Variants in ZNF264 observed in about 807,000 individuals in gnomAD.
ZNF264 encodes zinc finger protein 264.
A neutral mutation model predicts 11.2 loss-of-function variants in ZNF264; 11 were observed. The ratio of observed to expected loss-of-function variants is 0.98; its 90% CI spans 0.62 to 1.63. The LOEUF (loss-of-function observed/expected upper bound fraction) is 1.63. ZNF264 is among the 40% of genes most tolerant of loss of function. ZNF264 has a pLI of 0.00. For synonymous variants in ZNF264, 309 were observed against 279.8 expected, an observed-to-expected ratio of 1.10 and a Z score of -1.04; for missense variants, 752 against 768.1, an observed-to-expected ratio of 0.98 and a Z score of 0.25.
intron 2 of ZNF264, among the ~76,000 whole-genome samples, chr19:57,203,221 G>A (rs189701097): frequency 6.6e-6 from 1 of 152,218 alleles, no homozygotes; most frequent in Admixed American, 6.5e-5. Flanking sequence ...TAGTTGTCTG[G>A]CACTTGGCCC....
At chr19:57,193,846 A>G (rs1320471002) in intron 1 of ZNF264, 29 bp from the exon 2 acceptor site, 1 of 1,612,866 alleles carries the variant, frequency 6.2e-7, no homozygotes, top group Non-Finnish European at 8.5e-7. Context: ...CTGAAAGGCC[A>G]ATACTACTAA....
Position 57,212,868 on chromosome 19 carries a change from G to A in ZNF264, c.1771G>A (p.Gly591Arg). 6.2e-7 allele frequency: 1 copy of A among 1,614,188 alleles called. No homozygotes were observed. ...TSVTLRELLL[G>R]KDFLNVTTEA... ...AGTTACCCTTCGAGAACTTCTTTTA[G>A]GGAAGGACTTTTTGAATGTAACCAC... Residue 591 changes from glycine to arginine, a missense_variant, in exon 4 of 4, where the codon GGG becomes AGG. Transcript: ENST00000263095.
In ZNF264 at chr19:57,191,869, C is replaced by T. The variant is rs1228371753; in HGVS notation, c.-45C>T. ...GGCACAGGTGGGGTCCGTCAGGCCG[C>T]CCGGGGCTCCTCTGTCCCAGCTCTG... On this transcript the variant is annotated 5_prime_UTR_variant, in exon 1 of 4. Transcript: ENST00000263095. 2 of 1,306,312 alleles carry T rather than the reference C, an allele frequency of 1.5e-6. No homozygotes were observed. Among genetic ancestry groups the T allele is most frequent in the Admixed American group, 3.5e-5 (1 of 28,230 alleles). The allele number at this position is 1,306,312 out of a possible 1,614,324, so 80.9% of individuals were successfully genotyped here. A position where few individuals can be genotyped will look rare whatever the true frequency, so the allele number is the denominator to read the frequency against.
Position 57,212,318 on chromosome 19 carries a change from T to G in ZNF264, c.1221T>G (p.Ala407=), listed in dbSNP as rs749727981. The change falls in exon 4 of 4, where the codon GCT becomes GCG. Residue 407 remains alanine, a synonymous_variant. Coordinates refer to ENST00000263095, the MANE Select transcript of ZNF264 (RefSeq NM_003417.5). ...KPFECLECGK[A]FNHRSYLKRH... ...TTGAGTGCCTCGAGTGTGGGAAGGC[T>G]TTCAACCACCGATCCTACCTCAAGA... The G allele has an allele frequency of 1.9e-6, 3 of 1,594,122 alleles. No individual in the cohort carries two copies. The highest frequency in any genetic ancestry group is 4.6e-5 in the East Asian group (2 of 43,674).
intron 2 of ZNF264, among the ~76,000 whole-genome samples, chr19:57,199,755 C>T (rs1599947259): frequency 6.6e-6 from 1 of 151,950 alleles, no homozygotes; most frequent in East Asian, 1.9e-4. Context: ...TTCTGTGGGC[C>T]CATCGGGACT....
intron 3 of ZNF264, 74 bp downstream of exon 3, chr19:57,205,566 C>A: frequency 7.4e-7 from 1 of 1,348,696 alleles, no homozygotes. Flanking sequence ...GCCCTGGAAT[C>A]TCTTGGGAAG....
chr19:57,198,482 A>G (rs979916037), intron 2 of ZNF264, among the ~76,000 whole-genome samples: 5 of 151,822 alleles, frequency 3.3e-5, no homozygotes, highest in Non-Finnish European at 5.9e-5. Flanking sequence ...TTCCCACCTT[A>G]ATAGCCTTCA....
At chr19:57,192,320 G>C in intron 1 of ZNF264, 1 of 984,622 alleles carries the variant, frequency 1.0e-6, no homozygotes, top group Non-Finnish European at 1.2e-6. Flanking sequence ...GTTTAAGGAG[G>C]CTCAGGAGGG....
chr19:57,212,421 TTTATC>T lies in ZNF264; in HGVS notation c.1327_1331del (p.Ile443AlafsTer2), dbSNP rs772232144. The T allele has an allele frequency of 6.2e-7, 1 of 1,613,086 alleles. No homozygotes were observed. On this transcript the variant is annotated frameshift_variant, in exon 4 of 4. Coordinates refer to ENST00000263095, the MANE Select transcript of ZNF264 (RefSeq NM_003417.5). LOFTEE classifies it low-confidence loss of function (END_TRUNC). ...AAAGGCCTTCACCCACTGCTCTACT[TTTATC>T]TTGCATAAAAGGGCCCACACTGGAG...
intron 3 of ZNF264, among the ~76,000 whole-genome samples, chr19:57,210,584 C>T (rs908546569): frequency 6.6e-6 from 1 of 152,202 alleles, no homozygotes; most frequent in Non-Finnish European, 1.5e-5. Context: ...ACCCAGGAAA[C>T]TCACCAGCTC....
At chr19:57,208,037 A>G (rs1334206904) in intron 3 of ZNF264, among the ~76,000 whole-genome samples, 1 of 151,638 alleles carries the variant, frequency 6.6e-6, no homozygotes, top group Non-Finnish European at 1.5e-5. Context: ...TATTTTTAGT[A>G]GAGACAGGGT....
At chr19:57,204,412 C>T (rs915361980) in intron 2 of ZNF264, among the ~76,000 whole-genome samples, 4 of 152,062 alleles carry the variant, frequency 2.6e-5, no homozygotes, top group East Asian at 1.9e-4. Flanking sequence ...CCCCATGTGT[C>T]GTGGGAGGTA....
At chr19:57,206,532 C>G (rs2087294434) in intron 3 of ZNF264, among the ~76,000 whole-genome samples, 1 of 152,156 alleles carries the variant, frequency 6.6e-6, no homozygotes, top group Admixed American at 6.5e-5. Context: ...GTCACCGCGC[C>G]TGGCCTAGAA....
intron 2 of ZNF264, among the ~76,000 whole-genome samples, chr19:57,203,515 T>C (rs567494044): frequency 5.9e-5 from 9 of 152,220 alleles, no homozygotes; most frequent in Non-Finnish European, 1.3e-4. Flanking sequence ...AACCTTCATC[T>C]ATGAAGCTGT....
At position 57,212,637 on chromosome 19, in the gene ZNF264, G is replaced by A. The variant is rs775309700; in HGVS notation, c.1540G>A (p.Val514Ile). 1.9e-6 allele frequency: 3 copies of A among 1,613,844 alleles called. No individual in the cohort carries two copies. The highest frequency in any genetic ancestry group is 1.7e-6 in the Non-Finnish European group (2 of 1,179,974). The change falls in exon 4 of 4, where the codon GTT becomes ATT. Residue 514 changes from valine (V) to isoleucine (I), a missense_variant. Val to Ile is a conservative substitution (Grantham distance 29). Transcript: ENST00000263095. The stretch of plus-strand genomic sequence containing the variant: ...TAGTGGAGAGAAGCCCTATGAATGT[G>A]TTGAGTGTGGGAAATCGTTTTGCTG... ...IHSGEKPYEC[V>I]ECGKSFCWST...
chr19:57,212,378 C>T lies in ZNF264; in HGVS notation c.1281C>T (p.Phe427=), dbSNP rs748919450. ...HQRIHTGEKP[F]VCSECGKAFT... is the part of the protein sequence containing the mutation. The stretch of plus-strand genomic sequence containing the variant: ...GGATTCACACTGGGGAGAAGCCCTT[C>T]GTGTGCAGTGAATGTGGAAAGGCCT... Residue 427 remains phenylalanine (F), a synonymous_variant, in exon 4 of 4, where the codon TTC becomes TTT. Transcript: ENST00000263095. 2.4e-5 allele frequency: 39 copies of T among 1,613,370 alleles called. No homozygotes were observed. Among genetic ancestry groups the T allele is most frequent in the Middle Eastern group, 1.6e-4 (1 of 6,078 alleles).
intron 3 of ZNF264, among the ~76,000 whole-genome samples, chr19:57,207,545 CTTTTTT>C (rs757880568): frequency 9.7e-6 from 1 of 103,124 alleles, no homozygotes; most frequent in Non-Finnish European, 2.1e-5. Context: ...TTTTTCTTTT[CTTTTTT>C]TTTTTTTTTT....
intron 2 of ZNF264, among the ~76,000 whole-genome samples, chr19:57,204,553 C>CT (rs1365823408): frequency 6.6e-6 from 1 of 152,170 alleles, no homozygotes; most frequent in African/African-American, 2.4e-5. Flanking sequence ...TAAGATGTGC[C>CT]TTTCTCCGCC....
chr19:57,198,838 A>T (rs942605905), intron 2 of ZNF264, among the ~76,000 whole-genome samples: 1 of 151,910 alleles, frequency 6.6e-6, no homozygotes, highest in South Asian at 2.1e-4. Flanking sequence ...ATAAATTGTC[A>T]GTAGTGTAGT....
Sources: gnomAD v4.1 joint callset for allele counts (sites outside exome capture counted in the v4.1 genomes callset) on GRCh38, gnomAD v4.1.1 for gene constraint, MANE v1.5 for transcripts, NCBI Gene and HGNC (gene_info 2026-07-23, HGNC 2026-07-21) for gene names.